Variants in HIKESHI observed in about 807,000 individuals in gnomAD.
The protein encoded by HIKESHI is heat shock protein nuclear import factor hikeshi.
In HIKESHI, 13 loss-of-function variants were observed where a neutral mutation model predicts 25.7. That is an observed-to-expected ratio of 0.51 (90% CI 0.33 to 0.80). HIKESHI has a LOEUF of 0.80. HIKESHI is among the 30% of genes least tolerant of loss of function. The pLI is 0.02. For synonymous variants in HIKESHI, 76 were observed against 78.7 expected (o/e 0.97, Z 0.18); for missense variants, 174 against 229.5 (o/e 0.76, Z 1.56).
chr11:86,325,633 G>A (rs1477519055), intron 2 of HIKESHI, among the ~76,000 whole-genome samples: 1 of 152,008 alleles, frequency 6.6e-6, no homozygotes, highest in African/African-American at 2.4e-5. Flanking sequence ...CAGCACTTTG[G>A]GAGGCCTAGG....
At chr11:86,343,064 A>G (rs80148451) in intron 3 of HIKESHI, among the ~76,000 whole-genome samples, 4,939 of 152,256 alleles carry the variant, frequency 0.032, 258 homozygotes, top group African/African-American at 0.11. Flanking sequence ...CATATGTGAC[A>G]TGTTATGTCT....
chr11:86,312,357 G>A (rs971557866), intron 2 of HIKESHI, among the ~76,000 whole-genome samples: 3 of 152,120 alleles, frequency 2.0e-5, no homozygotes, highest in Non-Finnish European at 2.9e-5. Flanking sequence ...TTTAAAGTCT[G>A]TTTTATCAGA....
intron 2 of HIKESHI, among the ~76,000 whole-genome samples, chr11:86,331,379 C>T (rs185081249): frequency 9.9e-5 from 15 of 152,258 alleles, no homozygotes; most frequent in Admixed American, 1.3e-4. Flanking sequence ...ATTTCAGCTA[C>T]TCAGGAATAT....
At chr11:86,315,800 A>G (rs1022006204) in intron 2 of HIKESHI, among the ~76,000 whole-genome samples, 1 of 152,202 alleles carries the variant, frequency 6.6e-6, no homozygotes, top group Non-Finnish European at 1.5e-5. Context: ...TGGTAAACCT[A>G]TAGACAAATC....
intron 2 of HIKESHI, among the ~76,000 whole-genome samples, chr11:86,315,423 C>G (rs914967771): frequency 1.3e-5 from 2 of 152,080 alleles, no homozygotes; most frequent in Non-Finnish European, 2.9e-5. Flanking sequence ...TGGGTTCAAG[C>G]AGTGCTCCCG....
intron 2 of HIKESHI, among the ~76,000 whole-genome samples, chr11:86,314,477 T>C (rs1156926589): frequency 6.6e-6 from 1 of 152,054 alleles, no homozygotes; most frequent in East Asian, 1.9e-4. Context: ...TAGCCAGGCA[T>C]GGTGGCATGT....
chr11:86,335,883 G>T (rs1307584008), intron 2 of HIKESHI, among the ~76,000 whole-genome samples: 2 of 152,158 alleles, frequency 1.3e-5, no homozygotes, highest in Non-Finnish European at 2.9e-5. Flanking sequence ...AAAAAATTAT[G>T]AAACATACAA....
At chr11:86,322,451 G>GTGTGTATATATGTACA (rs1488365409) in intron 2 of HIKESHI, among the ~76,000 whole-genome samples, 1 of 152,106 alleles carries the variant, frequency 6.6e-6, no homozygotes, top group African/African-American at 2.4e-5. Context: ...ATGTGTGTGT[G>GTGTGTATATATGTACA]TGTGTATATA....
intron 2 of HIKESHI, among the ~76,000 whole-genome samples, chr11:86,325,456 G>A (rs1431049424): frequency 6.6e-6 from 1 of 152,116 alleles, no homozygotes; most frequent in East Asian, 1.9e-4. Flanking sequence ...CAATCTGTGG[G>A]TGATGGTTAA....
At chr11:86,344,844 T>C (rs1035382749) in intron 4 of HIKESHI, 123 bp downstream of exon 4, 31 of 711,466 alleles carry the variant, frequency 4.4e-5, no homozygotes, top group Non-Finnish European at 6.3e-5. Context: ...CAGCACTGCA[T>C]GCCATTAAAG....
chr11:86,306,228 A>G lies in HIKESHI; in HGVS notation c.31-17A>G. 5.1e-6 allele frequency: 8 copies of G among 1,563,556 alleles called. No homozygotes were observed. The highest frequency in any genetic ancestry group is 1.4e-5 in the African/African-American group (1 of 73,714). Reference sequence around the variant, plus strand: ...CTCATAGAACCATTGAACTGAGACAAGTTTCTTATTTTCTAGGTGCAAACA... The same window carrying G: ...CTCATAGAACCATTGAACTGAGACAGGTTTCTTATTTTCTAGGTGCAAACA... On this transcript the variant is annotated splice_polypyrimidine_tract_variant and intron_variant, in intron 1 of 4. Transcript: ENST00000278483.
chr11:86,338,965 T>G (rs11234620), intron 3 of HIKESHI, among the ~76,000 whole-genome samples: 94,034 of 151,908 alleles, frequency 0.62, 29,287 homozygotes, highest in East Asian at 0.79. Flanking sequence ...CGAAATATTT[T>G]AAATACAGAG....
intron 2 of HIKESHI, among the ~76,000 whole-genome samples, 183 bp from the exon 3 acceptor site, chr11:86,337,196 C>G: frequency 6.6e-6 from 1 of 152,020 alleles, no homozygotes. Flanking sequence ...ACTTTTAGTT[C>G]TTTTATTCTT....
At chr11:86,334,974 C>T (rs1947514588) in intron 2 of HIKESHI, among the ~76,000 whole-genome samples, 1 of 152,160 alleles carries the variant, frequency 6.6e-6, no homozygotes, top group African/African-American at 2.4e-5. Context: ...TGGTAACTAA[C>T]CAAAAGCTTG....
rs1202518803 is a variant in HIKESHI, at chr11:86,302,410, G to A, written c.-39G>A. ...GTAGCCCCAGGACTCCTAGTCGCCGGCTTCAGGTCACTGCCGGCTGAACGG... is the reference window on the plus strand; with the variant it reads ...GTAGCCCCAGGACTCCTAGTCGCCGACTTCAGGTCACTGCCGGCTGAACGG... On this transcript the variant is annotated 5_prime_UTR_variant, in exon 1 of 5. Coordinates refer to ENST00000278483, the MANE Select transcript of HIKESHI (RefSeq NM_016401.4). The A allele has an allele frequency of 8.4e-6, 13 of 1,551,300 alleles. No individual in the cohort carries two copies. In the East Asian group the frequency reaches 3.2e-4, roughly 38 times the overall value.
intron 3 of HIKESHI, among the ~76,000 whole-genome samples, chr11:86,342,070 G>GA (rs35532761): frequency 0.62 from 94,211 of 151,946 alleles, 29,394 homozygotes; most frequent in East Asian, 0.79. Flanking sequence ...ACTGATGAGT[G>GA]AAATTAGAAT....
rs749848152 is a variant in HIKESHI, at chr11:86,306,268, G to A, written c.54G>A (p.Val18=). Residue 18 remains valine (V), a synonymous_variant, in exon 2 of 5, where the codon GTG becomes GTA. Transcript: ENST00000278483. ...AGGTGCAAACAGCTGCACAGCAAGT[G>A]GCAGAGGATAAATTTGTTTTTGACT... is the stretch of plus-strand genomic sequence containing the variant. The part of the protein sequence containing the change: ...GRLVQTAAQQ[V]AEDKFVFDLP... 6.2e-7 allele frequency: 1 copy of A among 1,613,424 alleles called. No homozygotes were observed. Among genetic ancestry groups the A allele is most frequent in the South Asian group, 1.1e-5 (1 of 91,054 alleles).
intron 2 of HIKESHI, among the ~76,000 whole-genome samples, chr11:86,326,836 G>A (rs1180777822): frequency 6.6e-6 from 1 of 152,192 alleles, no homozygotes; most frequent in African/African-American, 2.4e-5. Flanking sequence ...TGAAAGGTGA[G>A]GTGTTAACGG....
At chr11:86,307,477 CAAAT>C (rs1389126849) in intron 2 of HIKESHI, among the ~76,000 whole-genome samples, 1 of 135,476 alleles carries the variant, frequency 7.4e-6, no homozygotes, top group Admixed American at 7.8e-5. Context: ...CATTATATAT[CAAAT>C]ATATATTATG....
Sources: gnomAD v4.1 joint callset for allele counts (sites outside exome capture counted in the v4.1 genomes callset) on GRCh38, gnomAD v4.1.1 for gene constraint, MANE v1.5 for transcripts, NCBI Gene and HGNC (gene_info 2026-07-23, HGNC 2026-07-21) for gene names.